The following SYT17 variants were observed in gnomAD, a reference collection of about 807,000 sequenced individuals.
SYT17 encodes the protein synaptotagmin 17.
In SYT17, 22 loss-of-function variants were observed where a neutral mutation model predicts 46.7. That is an observed-to-expected ratio of 0.47 (90% CI 0.34 to 0.67). The LOEUF (loss-of-function observed/expected upper bound fraction) is 0.67. Ranked by LOEUF, SYT17 falls within the 30% of genes least tolerant of loss-of-function variation. SYT17 has a pLI of 0.01. For missense variants in SYT17, 519 were observed against 612.8 expected (o/e 0.85, Z 1.62); for synonymous variants, 251 against 248.4 (o/e 1.01, Z -0.10).
At chr16:19,236,889 G>A (rs1567225903) in intron 7 of SYT17, among the ~76,000 whole-genome samples, 1 of 152,092 alleles carries the variant, frequency 6.6e-6, no homozygotes, top group Non-Finnish European at 1.5e-5. Context: ...CAGAGGTCTG[G>A]GTAAGACCTT....
At chr16:19,173,094 A>G (rs1219486697) in intron 2 of SYT17, 4 of 559,818 alleles carry the variant, frequency 7.1e-6, no homozygotes, top group Non-Finnish European at 1.2e-5. Flanking sequence ...TGTGTTTCGA[A>G]CATATCGTAT....
At chr16:19,220,287 A>ATTTCTTTC (rs201365039) in intron 5 of SYT17, among the ~76,000 whole-genome samples, 13 of 113,914 alleles carry the variant, frequency 1.1e-4, no homozygotes, top group Admixed American at 1.1e-3. Context: ...ATTCAATGAC[A>ATTTCTTTC]TTTCTTTCTT....
At chr16:19,240,941 CTTTTTTTTTTTT>C (rs970503158) in intron 7 of SYT17, among the ~76,000 whole-genome samples, 8 of 98,788 alleles carry the variant, frequency 8.1e-5, no homozygotes, top group African/African-American at 2.0e-4. Context: ...AGGCTCAGTT[CTTTTTTTTTTTT>C]TTTTTTTTTT....
At chr16:19,250,239 C>A (rs750227538) in intron 7 of SYT17, among the ~76,000 whole-genome samples, 1 of 152,092 alleles carries the variant, frequency 6.6e-6, no homozygotes, top group Non-Finnish European at 1.5e-5. Context: ...ACACATCTAT[C>A]CAACTCTCTC....
chr16:19,255,549 G>A (rs1968499939), intron 7 of SYT17, among the ~76,000 whole-genome samples: 1 of 152,112 alleles, frequency 6.6e-6, no homozygotes, highest in South Asian at 2.1e-4. Context: ...ACTTTGGGAG[G>A]CTGAGGAGAG....
intron 5 of SYT17, 144 bp from the exon 6 acceptor site, chr16:19,222,896 TGAAAA>T: frequency 1.0e-6 from 1 of 975,886 alleles, no homozygotes; most frequent in Non-Finnish European, 1.5e-6. Flanking sequence ...GAGGCAGAGA[TGAAAA>T]GAAGTCACAC....
chr16:19,172,025 G>GTTCACC (rs1169601619), intron 1 of SYT17: 1 of 152,628 alleles, frequency 6.6e-6, no homozygotes. Context: ...TCCCACCTCA[G>GTTCACC]TTCACCTCTG....
intron 5 of SYT17, among the ~76,000 whole-genome samples, chr16:19,210,582 G>C (rs886089696): frequency 1.3e-5 from 2 of 151,192 alleles, no homozygotes; most frequent in Admixed American, 6.6e-5. Context: ...ACAGGGTTGA[G>C]GTATTGACAA....
intron 7 of SYT17, among the ~76,000 whole-genome samples, chr16:19,264,367 T>G (rs1969214136): frequency 6.6e-6 from 1 of 152,242 alleles, no homozygotes; most frequent in Admixed American, 6.5e-5. Context: ...CATATTTGAC[T>G]GGGAGGCTCT....
At chr16:19,208,884 C>A in intron 5 of SYT17, among the ~76,000 whole-genome samples, 1 of 63,312 alleles carries the variant, frequency 1.6e-5, no homozygotes, top group African/African-American at 7.0e-5. Flanking sequence ...CAAGGACCTT[C>A]TTTTTTTTTT....
At chr16:19,202,145 C>A (rs1347623810) in intron 5 of SYT17, among the ~76,000 whole-genome samples, 1 of 152,046 alleles carries the variant, frequency 6.6e-6, no homozygotes, top group Non-Finnish European at 1.5e-5. Flanking sequence ...TTAGTGCAGA[C>A]CCCACAGGTT....
intron 3 of SYT17, among the ~76,000 whole-genome samples, chr16:19,175,406 T>C (rs1236692265): frequency 2.0e-5 from 3 of 151,472 alleles, no homozygotes; most frequent in Non-Finnish European, 4.4e-5. Flanking sequence ...GTAATCCCAG[T>C]GCTTTGGGAG....
Position 19,238,591 on chromosome 16 carries a change from C to T in SYT17, c.1228+13753C>T, listed in dbSNP as rs1966882235. On this transcript the variant is annotated intron_variant, in intron 7 of 7. Transcript: ENST00000355377. ...TGGCAGCCTTTGAAGATCAGGCCAG[C>T]TGCCAGGGCTCCTGAGGGTTTTTAT... 1.3e-5 allele frequency among the ~76,000 whole-genome samples: 2 copies of T among 152,268 alleles called. 1 individual carries two copies. The highest frequency in any genetic ancestry group is 4.1e-4 in the South Asian group (2 of 4,836).
At chr16:19,236,693 T>C (rs1293038799) in intron 7 of SYT17, among the ~76,000 whole-genome samples, 3 of 152,214 alleles carry the variant, frequency 2.0e-5, no homozygotes, top group Non-Finnish European at 4.4e-5. Context: ...GGTCAAACTC[T>C]GAGACTCTAG....
chr16:19,221,186 C>CA (rs575577083), intron 5 of SYT17, among the ~76,000 whole-genome samples: 6,358 of 62,554 alleles, frequency 0.1, 345 homozygotes, highest in Middle Eastern at 0.15. Context: ...GACCTTGTCT[C>CA]AAAAAAAAAA....
chr16:19,245,906 T>C (rs558365554), intron 7 of SYT17, among the ~76,000 whole-genome samples: 23 of 152,326 alleles, frequency 1.5e-4, no homozygotes, highest in African/African-American at 5.5e-4. Context: ...ATAAAAGATA[T>C]AATTTTTCCA....
chr16:19,241,239 G>T (rs1214484390), intron 7 of SYT17, among the ~76,000 whole-genome samples: 1 of 151,492 alleles, frequency 6.6e-6, no homozygotes. Context: ...GAGCCACCGC[G>T]CCCGGCCCCC....
chr16:19,222,783 AAGC>A (rs1204603315), intron 5 of SYT17, among the ~76,000 whole-genome samples: 2 of 152,224 alleles, frequency 1.3e-5, no homozygotes, highest in African/African-American at 4.8e-5. Flanking sequence ...CATGGCAGTG[AAGC>A]ATTTTTTAAA....
At chr16:19,236,050 G>T (rs1021772110) in intron 7 of SYT17, among the ~76,000 whole-genome samples, 1 of 152,146 alleles carries the variant, frequency 6.6e-6, no homozygotes, top group Non-Finnish European at 1.5e-5. Context: ...ATGGAGACAG[G>T]CGACTCACCC....
Sources: gnomAD v4.1 joint callset for allele counts (sites outside exome capture counted in the v4.1 genomes callset) on GRCh38, gnomAD v4.1.1 for gene constraint, MANE v1.5 for transcripts, NCBI Gene and HGNC (gene_info 2026-07-23, HGNC 2026-07-21) for gene names.